The following TUB variants were observed in gnomAD, a reference collection of about 807,000 sequenced individuals.
TUB encodes the protein TUB bipartite transcription factor.
Under a neutral mutation model 59.7 loss-of-function variants are expected in TUB, and 33 were observed. The ratio of observed to expected loss-of-function variants is 0.55; its 90% CI spans 0.42 to 0.74. The LOEUF (loss-of-function observed/expected upper bound fraction) is 0.74, where lower values mean the gene tolerates loss of function less well. Among genes scored for constraint, TUB ranks in the 30% least tolerant of loss-of-function variants. The pLI, the probability that TUB is intolerant of heterozygous loss-of-function variation, is 0.00. For synonymous variants in TUB, 293 were observed against 256.4 expected (o/e 1.14, Z -1.36); for missense variants, 659 against 672.0 (o/e 0.98, Z 0.21).
intron 2 of TUB, among the ~76,000 whole-genome samples, chr11:8,052,371 A>G (rs562430735): frequency 1.3e-5 from 2 of 152,282 alleles, no homozygotes; most frequent in Admixed American, 1.3e-4. Context: ...TTTATTATTA[A>G]TAGAATTGTA....
rs1268703186 is a variant in TUB, at chr11:8,089,614, T to C, written c.43T>C (p.Leu15=). ...PHSDWIPYSV[L]DDEGRNLRQQ... is the part of the protein sequence containing the mutation. ...AACCCCTCTTTCGCTCTGCAGTGTC[T>C]TAGATGATGAGGGCAGAAACCTGAG... The change falls in exon 2 of 12, where the codon TTA becomes CTA. Residue 15 remains leucine (L), a synonymous_variant. Transcript: ENST00000299506. 1 of 1,614,004 alleles carries C rather than the reference T, an allele frequency of 6.2e-7. No homozygotes were observed. Among genetic ancestry groups the C allele is most frequent in the Non-Finnish European group, 8.5e-7 (1 of 1,180,012 alleles).
rs184686750 is a variant in TUB, at chr11:8,084,593, G to A, written c.38+3045G>A. 9.2e-4 allele frequency among the ~76,000 whole-genome samples: 140 copies of A among 152,344 alleles called. 2 individuals carry two copies. In the East Asian group the frequency reaches 0.02, roughly 21 times the overall value. On this transcript the variant is annotated intron_variant, in intron 1 of 11. Coordinates refer to ENST00000299506, the MANE Select transcript of TUB (RefSeq NM_177972.3). ...TCAGTGCCCTTGTCCTCATGGTCCTGAGGCCATTGCCTGGTGTTTCTCTCA... is the reference window on the plus strand; with the variant it reads ...TCAGTGCCCTTGTCCTCATGGTCCTAAGGCCATTGCCTGGTGTTTCTCTCA...
chr11:8,066,089 G>A (rs757982542), intron 2 of TUB, among the ~76,000 whole-genome samples: 37 of 152,194 alleles, frequency 2.4e-4, no homozygotes, highest in Non-Finnish European at 3.7e-4. Context: ...AGAGTTGGCC[G>A]AGGAGGAAGG....
At chr11:8,042,145 C>T (rs1015202296) in intron 2 of TUB, among the ~76,000 whole-genome samples, 1 of 151,830 alleles carries the variant, frequency 6.6e-6, no homozygotes, top group Admixed American at 6.6e-5. Context: ...CCTACACCCC[C>T]CAGCCTTAGG....
intron 2 of TUB, among the ~76,000 whole-genome samples, chr11:8,045,713 A>G (rs1942820101): frequency 6.6e-6 from 1 of 152,200 alleles, no homozygotes; most frequent in Admixed American, 6.5e-5. Context: ...GGCATTTTGG[A>G]TAAGGGATAT....
chr11:8,053,027 G>C (rs1376597200), intron 2 of TUB, among the ~76,000 whole-genome samples: 1 of 152,140 alleles, frequency 6.6e-6, no homozygotes, highest in Admixed American at 6.5e-5. Flanking sequence ...ACAATGCTTA[G>C]TTATATTCTT....
At chr11:8,027,247 T>A (rs1160763400) in intron 1 of TUB, among the ~76,000 whole-genome samples, 3 of 152,216 alleles carry the variant, frequency 2.0e-5, no homozygotes, top group Non-Finnish European at 4.4e-5. Flanking sequence ...ACTGAAACTC[T>A]CTACCCATTA....
chr11:8,032,433 G>A (rs571066824), intron 1 of TUB, among the ~76,000 whole-genome samples: 134 of 152,300 alleles, frequency 8.8e-4, no homozygotes, highest in African/African-American at 3.2e-3. Context: ...GTTTGGATTG[G>A]ATCAGTGAGC....
chr11:8,059,203 G>A (rs914789463), intron 2 of TUB, among the ~76,000 whole-genome samples: 6 of 152,102 alleles, frequency 3.9e-5, no homozygotes, highest in African/African-American at 1.4e-4. Context: ...GCTCAGGTGG[G>A]GGTCCCGTTC....
intron 2 of TUB, among the ~76,000 whole-genome samples, chr11:8,058,687 A>T (rs922940403): frequency 6.6e-6 from 1 of 152,226 alleles, no homozygotes; most frequent in Non-Finnish European, 1.5e-5. Context: ...AAGTTCTGAC[A>T]TGTCTTTGTT....
chr11:8,042,763 T>C lies in TUB; in HGVS notation c.203+3071T>C, dbSNP rs550992788. Reference sequence around the variant, plus strand: ...TTCCTTGGAAAAATGTCTATTCATATCTCTTATCCATTTTTTAAATTGGGT... The same window carrying C: ...TTCCTTGGAAAAATGTCTATTCATACCTCTTATCCATTTTTTAAATTGGGT... On this transcript the variant is annotated intron_variant, in intron 2 of 12. Transcript: ENST00000305253. Among the ~76,000 whole-genome samples, 5 of 152,310 alleles carry C rather than the reference T, an allele frequency of 3.3e-5. No individual in the cohort carries two copies. In the South Asian group the frequency reaches 1.0e-3, roughly 32 times the overall value.
intron 2 of TUB, among the ~76,000 whole-genome samples, chr11:8,074,473 C>T (rs900717664): frequency 2.6e-5 from 4 of 152,138 alleles, no homozygotes; most frequent in East Asian, 1.9e-4. Context: ...TGCGATGGCT[C>T]ACACCTGTAA....
chr11:8,039,715 G>C lies in TUB; in HGVS notation c.203+23G>C, dbSNP rs768675454. 2 of 1,505,282 alleles carry C rather than the reference G, an allele frequency of 1.3e-6. 1 individual carries two copies. The highest frequency in any genetic ancestry group is 5.0e-5 in the East Asian group (2 of 39,798). The allele number at this position is 1,505,282 out of a possible 1,614,324, so 93.2% of individuals were successfully genotyped here. On this transcript the variant is annotated intron_variant, in intron 2 of 12. Coordinates refer to the TUB transcript ENST00000305253. ...TCGGTGAGCTGGAGGGGAGGAGGGC[G>C]TGCCGGCCCTGGGAAAGGGCCAACC...
At chr11:8,081,904 C>T (rs1463847115) in intron 1 of TUB, among the ~76,000 whole-genome samples, 3 of 152,252 alleles carry the variant, frequency 2.0e-5, no homozygotes, top group African/African-American at 7.2e-5. Flanking sequence ...CACGCTCATA[C>T]ATCTGCACGC....
Position 8,081,264 on chromosome 11 carries a change from T to C in TUB, c.-247T>C. 1 of 642,784 alleles carries C rather than the reference T, an allele frequency of 1.6e-6. No individual in the cohort carries two copies. Among genetic ancestry groups the C allele is most frequent in the South Asian group, 6.8e-5 (1 of 14,638 alleles). The allele number at this position is 642,784 out of a possible 1,614,324, so 39.8% of individuals were successfully genotyped here. A position where few individuals can be genotyped will look rare whatever the true frequency, so the allele number is the denominator to read the frequency against. On this transcript the variant is annotated 5_prime_UTR_variant, in exon 1 of 12. Transcript: ENST00000299506. Reference sequence around the variant, plus strand: ...GGACGGTGCGGTCGGCCTCCCCGCCTCCACGCGCGCGCACGACCCGCGCAC... The same window carrying C: ...GGACGGTGCGGTCGGCCTCCCCGCCCCCACGCGCGCGCACGACCCGCGCAC...
chr11:8,067,648 A>C (rs1943271613), intron 2 of TUB: 1 of 152,192 alleles, frequency 6.6e-6, no homozygotes, highest in South Asian at 2.1e-4. Flanking sequence ...AGGGAGCAAA[A>C]CAGTGAAAAC....
At chr11:8,101,347 A>G in intron 11 of TUB, 139 bp from the exon 12 acceptor site, 1 of 1,173,166 alleles carries the variant, frequency 8.5e-7, no homozygotes. Context: ...CCTTTGTTTT[A>G]CTTCCCTTTG....
At chr11:8,095,791 G>T in intron 5 of TUB, 126 bp downstream of exon 5, 2 of 1,067,646 alleles carry the variant, frequency 1.9e-6, no homozygotes, top group Non-Finnish European at 2.7e-6. Context: ...TGAGGGTGGG[G>T]CACACTTCGG....
chr11:8,039,649 A>G, exon 2 of TUB: 4 of 1,515,370 alleles, frequency 2.6e-6, no homozygotes, highest in Non-Finnish European at 3.5e-6. Flanking sequence ...CCTCAGGAGA[A>G]CAACCAGGAG....
Sources: allele counts gnomAD v4.1 joint callset (sites outside exome capture counted in the v4.1 genomes callset), GRCh38; gene constraint gnomAD v4.1.1; transcripts MANE v1.5; gene names NCBI Gene and HGNC (gene_info 2026-07-23, HGNC 2026-07-21).